Variants in SHLD1 observed in about 807,000 individuals in gnomAD.
SHLD1 encodes the protein RINN1-REV7-interacting novel NHEJ regulator 3.
SHLD1 carries 3 observed loss-of-function variants against 5.5 expected under a neutral mutation model. The ratio of observed to expected loss-of-function variants is 0.54; its 90% CI spans 0.25 to 1.40. The LOEUF is 1.40. Among genes scored for constraint, SHLD1 ranks in the 40% most tolerant of loss-of-function variants. The pLI is 0.15. For synonymous variants in SHLD1, 92 were observed against 94.3 expected (o/e 0.98, Z 0.14); for missense variants, 210 against 244.4 (o/e 0.86, Z 0.94).
chr20:5,792,851 T>C (rs2087161185), intron 2 of SHLD1, among the ~76,000 whole-genome samples: 1 of 151,862 alleles, frequency 6.6e-6, no homozygotes, highest in African/African-American at 2.4e-5. Context: ...TTTTTTGTAT[T>C]TTTAGTAGAG....
At chr20:5,841,425 A>G (rs1249018434) in intron 2 of SHLD1, among the ~76,000 whole-genome samples, 1 of 152,174 alleles carries the variant, frequency 6.6e-6, no homozygotes. Context: ...TAAAGCTTCA[A>G]ATGCATTTGA....
At chr20:5,825,960 G>C (rs1600158743) in intron 2 of SHLD1, among the ~76,000 whole-genome samples, 1 of 152,180 alleles carries the variant, frequency 6.6e-6, no homozygotes, top group Non-Finnish European at 1.5e-5. Context: ...GACCACTCAG[G>C]GTTGGGATGT....
chr20:5,817,507 T>C (rs2087552029), intron 2 of SHLD1, among the ~76,000 whole-genome samples: 2 of 145,506 alleles, frequency 1.4e-5, no homozygotes, highest in South Asian at 4.7e-4. Flanking sequence ...GCATCCAGCC[T>C]AAACTCACTA....
intron 2 of SHLD1, among the ~76,000 whole-genome samples, chr20:5,844,540 A>C (rs1304705423): frequency 6.6e-6 from 1 of 152,060 alleles, no homozygotes; most frequent in Non-Finnish European, 1.5e-5. Context: ...GTTTCTGCCC[A>C]CACTAGGATC....
chr20:5,768,383 G>A lies in SHLD1; in HGVS notation c.-4-4479G>A, dbSNP rs1373918347. ...CCTAGCCATGGCTGGCCTGCCCCAC[G>A]CTTGGGGAGAACCTCTTCCAGAAAG... is the stretch of plus-strand genomic sequence containing the variant. On this transcript the variant is annotated intron_variant, in intron 1 of 2. Transcript: ENST00000303142. 4.6e-5 allele frequency among the ~76,000 whole-genome samples: 7 copies of A among 152,200 alleles called. No homozygotes were observed. The East Asian group carries it at 9.6e-4, about 21-fold the overall frequency.
At chr20:5,804,959 A>T (rs1351001854) in intron 2 of SHLD1, among the ~76,000 whole-genome samples, 1 of 152,222 alleles carries the variant, frequency 6.6e-6, no homozygotes, top group African/African-American at 2.4e-5. Context: ...GCCTGGCAGC[A>T]TTCCACAGTG....
chr20:5,846,207 A>T (rs532282012), intron 2 of SHLD1, among the ~76,000 whole-genome samples: 2 of 152,254 alleles, frequency 1.3e-5, no homozygotes, highest in East Asian at 3.9e-4. Context: ...TGACTTGTTG[A>T]TTTGGACAGA....
intron 2 of SHLD1, among the ~76,000 whole-genome samples, chr20:5,860,629 C>A (rs1456853414): frequency 6.6e-6 from 1 of 151,966 alleles, no homozygotes; most frequent in Non-Finnish European, 1.5e-5. Context: ...CTGTTTTAGC[C>A]TCCTTCATTC....
chr20:5,753,318 A>G (rs944427662), intron 1 of SHLD1, among the ~76,000 whole-genome samples: 1 of 152,186 alleles, frequency 6.6e-6, no homozygotes, highest in African/African-American at 2.4e-5. Context: ...ATATAAATAT[A>G]AAACATAGAG....
chr20:5,850,808 C>A (rs1398471612), intron 2 of SHLD1, among the ~76,000 whole-genome samples: 1 of 152,180 alleles, frequency 6.6e-6, no homozygotes, highest in Non-Finnish European at 1.5e-5. Flanking sequence ...ACGCACCTGG[C>A]GCCCAGTCCC....
chr20:5,764,137 A>ATATATAT lies in SHLD1; in HGVS notation c.-4-8725_-4-8724insTATATAT, dbSNP rs1450130967. ...GCAAGGCTCTGTCTCAAAAAAAAAA[A>ATATATAT]AAATATATATATATTTATATTTATA... On this transcript the variant is annotated intron_variant, in intron 1 of 2. Coordinates refer to ENST00000303142, the MANE Select transcript of SHLD1 (RefSeq NM_152504.4). Among the ~76,000 whole-genome samples, 32 of 95,830 alleles carry ATATATAT rather than the reference A, an allele frequency of 3.3e-4. 1 individual carries two copies. Among genetic ancestry groups the ATATATAT allele is most frequent in the African/African-American group, 1.5e-3 (32 of 21,046 alleles). The allele number at this position is 95,830 out of a possible 152,430, so 62.9% of individuals were successfully genotyped here. A position where few individuals can be genotyped will look rare whatever the true frequency, so the allele number is the denominator to read the frequency against.
At chr20:5,753,289 G>C (rs931995807) in intron 1 of SHLD1, among the ~76,000 whole-genome samples, 9 of 152,052 alleles carry the variant, frequency 5.9e-5, no homozygotes, top group African/African-American at 1.9e-4. Context: ...TTATAATTTG[G>C]TATCTTTTTT....
At chr20:5,829,579 C>T (rs2087704699) in intron 2 of SHLD1, among the ~76,000 whole-genome samples, 1 of 152,172 alleles carries the variant, frequency 6.6e-6, no homozygotes, top group African/African-American at 2.4e-5. Context: ...ATTAACTCCG[C>T]AGCCATGTTG....
At chr20:5,856,712 A>G (rs904075669) in intron 2 of SHLD1, among the ~76,000 whole-genome samples, 3 of 152,108 alleles carry the variant, frequency 2.0e-5, no homozygotes, top group Non-Finnish European at 4.4e-5. Context: ...TCCCTGGTTC[A>G]CCTTGTCATT....
intron 2 of SHLD1, among the ~76,000 whole-genome samples, chr20:5,812,080 C>CTTT (rs1200570680): frequency 1.4e-4 from 19 of 136,850 alleles, no homozygotes; most frequent in African/African-American, 3.2e-4. Context: ...TTTTTTTTTT[C>CTTT]TTTTTTTTTC....
chr20:5,803,336 A>T (rs416777), intron 2 of SHLD1, among the ~76,000 whole-genome samples: 16,561 of 151,840 alleles, frequency 0.11, 1,836 homozygotes, highest in African/African-American at 0.28. Context: ...CTAATTTTTT[A>T]AAAAAATTCT....
chr20:5,790,182 C>T (rs1383656342), intron 2 of SHLD1, among the ~76,000 whole-genome samples: 1 of 152,112 alleles, frequency 6.6e-6, no homozygotes, highest in Non-Finnish European at 1.5e-5. Context: ...GAGGGGATCC[C>T]ACTACCTCAG....
intron 1 of SHLD1, among the ~76,000 whole-genome samples, chr20:5,760,891 C>T (rs1984424217): frequency 6.6e-6 from 1 of 151,888 alleles, no homozygotes; most frequent in South Asian, 2.1e-4. Context: ...TCACCTAGAG[C>T]ACAGCCAATC....
At chr20:5,830,207 A>G (rs1398376509) in intron 2 of SHLD1, among the ~76,000 whole-genome samples, 1 of 152,206 alleles carries the variant, frequency 6.6e-6, no homozygotes, top group Admixed American at 6.5e-5. Flanking sequence ...AACGGCCCTA[A>G]CTAGAAACTC....
Sources: allele counts gnomAD v4.1 joint callset (sites outside exome capture counted in the v4.1 genomes callset), GRCh38; gene constraint gnomAD v4.1.1; transcripts MANE v1.5; gene names NCBI Gene and HGNC (gene_info 2026-07-23, HGNC 2026-07-21).